SLCO4A1: variants seen among roughly 807,000 people sequenced by gnomAD.
SLCO4A1 encodes the protein solute carrier organic anion transporter family member 4A1, also known as colon organic anion transporter.
In SLCO4A1, 51 loss-of-function variants were observed where a neutral mutation model predicts 64.6. That is an observed-to-expected ratio of 0.79 (90% CI 0.63 to 1.00). The LOEUF is 1.00. Ranked by LOEUF, SLCO4A1 falls within the 50% of genes least tolerant of loss-of-function variation. The probability of loss-of-function intolerance (pLI) is 0.00; values close to 1 mark genes in which losing one functional copy is unlikely to be tolerated. For missense variants in SLCO4A1, 919 were observed against 980.5 expected, an observed-to-expected ratio of 0.94 and a Z score of 0.84; for synonymous variants, 471 against 444.9, an observed-to-expected ratio of 1.06 and a Z score of -0.74.
chr20:62,684,675 C>G (rs145039238), intron 2 of SLCO4A1, among the ~76,000 whole-genome samples: 1 of 152,120 alleles, frequency 6.6e-6, no homozygotes. Flanking sequence ...ATTCATCCCC[C>G]CACTCCCTCC....
chr20:62,669,143 C>T (rs966833002), intron 11 of SLCO4A1, 65 bp downstream of exon 11: 14 of 1,502,278 alleles, frequency 9.3e-6, no homozygotes, highest in African/African-American at 1.4e-5. Flanking sequence ...CCGAACATGC[C>T]GCGATCTTCC....
At chr20:62,673,756 C>A (rs1191498955), downstream of SLCO4A1, among the ~76,000 whole-genome samples, 4 of 103,038 alleles carry the variant, frequency 3.9e-5, 1 homozygote, top group African/African-American at 5.8e-5. Context: ...GCCACGTGAG[C>A]CAACCAAGAG....
chr20:62,667,031 C>T (rs555658798), intron 7 of SLCO4A1, among the ~76,000 whole-genome samples: 4 of 152,356 alleles, frequency 2.6e-5, no homozygotes, highest in African/African-American at 9.6e-5. Flanking sequence ...GCACCTCGGC[C>T]CTGCCCTGCG....
At chr20:62,670,972 T>G (rs529392331) in intron 11 of SLCO4A1, among the ~76,000 whole-genome samples, 2 of 152,252 alleles carry the variant, frequency 1.3e-5, no homozygotes, top group Admixed American at 1.3e-4. Context: ...GTGGTGCACA[T>G]GTACTCTGCG....
rs781134379 is a variant in SLCO4A1, at chr20:62,656,646, C to G, written c.192C>G (p.Ala64=). The G allele has an allele frequency of 4.4e-6, 7 of 1,602,810 alleles. No individual in the cohort carries two copies. The highest frequency in any genetic ancestry group is 6.0e-6 in the Non-Finnish European group (7 of 1,175,610). ...AGCAGCCCCTCTGCCAGCTCTGGGC[C>G]GAGAAGCATGGCGCCCGGGGGACCC... ...TSKQPLCQLW[A]EKHGARGTHE... is the part of the protein sequence containing the mutation. The change falls in exon 2 of 12, where the codon GCC becomes GCG. Residue 64 remains alanine, a synonymous_variant. Coordinates refer to ENST00000217159, the MANE Select transcript of SLCO4A1 (RefSeq NM_016354.4).
At position 62,685,066 on chromosome 20, in the gene SLCO4A1, G is replaced by A. The variant is rs904507536; in HGVS notation, n.212-375G>A. 1.3e-5 allele frequency among the ~76,000 whole-genome samples: 2 copies of A among 152,158 alleles called. No individual in the cohort carries two copies. Among genetic ancestry groups the A allele is most frequent in the Non-Finnish European group, 2.9e-5 (2 of 68,026 alleles). ...GCAGGGGCCAAGGGTCTGGGGTGAG[G>A]CCACAGTGCATGGAGTGCATGGAGG... On this transcript the variant is annotated intron_variant and non_coding_transcript_variant, in intron 2 of 2. Coordinates refer to the SLCO4A1 transcript ENST00000466818. The surrounding 1 kb of genome is among the most constrained non-coding windows in gnomAD (Gnocchi z 4.6).
In SLCO4A1 at chr20:62,665,212, C is replaced by A. The variant is rs1601659913; in HGVS notation, c.1276+124C>A. On this transcript the variant is annotated intron_variant, in intron 6 of 11. Transcript: ENST00000217159. Reference sequence around the variant, plus strand: ...GGCAGTGAGTGCCCTCCCACCCCCGCTGCCAGAGCAGGTGTGGAGAGCGCC... The same window carrying A: ...GGCAGTGAGTGCCCTCCCACCCCCGATGCCAGAGCAGGTGTGGAGAGCGCC... 9.7e-6 allele frequency: 11 copies of A among 1,133,418 alleles called. No homozygotes were observed. The East Asian group carries it at 2.2e-4, about 23-fold the overall frequency. The allele number at this position is 1,133,418 out of a possible 1,614,324, so 70.2% of individuals were successfully genotyped here. A position where few individuals can be genotyped will look rare whatever the true frequency, so the allele number is the denominator to read the frequency against.
At chr20:62,657,339 C>T in intron 2 of SLCO4A1, 89 bp downstream of exon 2, 4 of 1,244,882 alleles carry the variant, frequency 3.2e-6, no homozygotes, top group Non-Finnish European at 4.4e-6. Flanking sequence ...CCAGCCCCGC[C>T]CCCTGCCTTC....
Position 62,671,952 on chromosome 20 carries a change from G to T in SLCO4A1, c.*59G>T. On this transcript the variant is annotated 3_prime_UTR_variant, in exon 12 of 12. Coordinates refer to ENST00000217159, the MANE Select transcript of SLCO4A1 (RefSeq NM_016354.4). ...CTCAGCATTTCCTGATGACAGAACA[G>T]TGCCGTTGGGTGATGCAATCACACG... 1 of 1,601,138 alleles carries T rather than the reference G, an allele frequency of 6.2e-7. No individual in the cohort carries two copies. The highest frequency in any genetic ancestry group is 8.5e-7 in the Non-Finnish European group (1 of 1,179,852).
chr20:62,682,649 CCA>C (rs10552847), intron 2 of SLCO4A1, among the ~76,000 whole-genome samples: 43,822 of 150,650 alleles, frequency 0.29, 6,398 homozygotes, highest in Non-Finnish European at 0.31. Context: ...GACCATGTGA[CCA>C]CACACACACA....
intron 1 of SLCO4A1, among the ~76,000 whole-genome samples, chr20:62,655,519 G>T (rs1051745257): frequency 6.6e-6 from 1 of 152,230 alleles, no homozygotes; most frequent in African/African-American, 2.4e-5. Flanking sequence ...CCAGGAATTG[G>T]TGTGGGGAGT....
chr20:62,676,982 G>A (rs866309089), downstream of SLCO4A1, among the ~76,000 whole-genome samples: 12 of 152,362 alleles, frequency 7.9e-5, no homozygotes, highest in South Asian at 2.1e-4. Flanking sequence ...GAAGCCCTGC[G>A]CTATGGTGTG....
intron 1 of SLCO4A1, among the ~76,000 whole-genome samples, chr20:62,654,255 G>A (rs1221035803): frequency 6.6e-6 from 1 of 152,156 alleles, no homozygotes; most frequent in African/African-American, 2.4e-5. Context: ...ACCTGTCACC[G>A]GGTTTAGGGC....
chr20:62,643,870 C>T (rs933008907), intron 1 of SLCO4A1, among the ~76,000 whole-genome samples: 2 of 152,196 alleles, frequency 1.3e-5, no homozygotes, highest in Admixed American at 1.3e-4. Flanking sequence ...CCCTAGCAAC[C>T]CCACGAGGTG....
intron 1 of SLCO4A1, chr20:62,642,997 G>C: frequency 2.1e-6 from 1 of 470,270 alleles, no homozygotes; most frequent in Admixed American, 2.3e-5. Context: ...GAGCTCCAGA[G>C]TTGCGGAGTC....
downstream of SLCO4A1, among the ~76,000 whole-genome samples, chr20:62,686,441 CA>C (rs1220080257): frequency 3.3e-5 from 5 of 152,078 alleles, no homozygotes; most frequent in African/African-American, 1.2e-4. Context: ...TCCGCTCCAC[CA>C]AGGGCCGGGG....
downstream of SLCO4A1, among the ~76,000 whole-genome samples, chr20:62,690,108 G>T (rs928547735): frequency 6.6e-6 from 1 of 152,194 alleles, no homozygotes; most frequent in Non-Finnish European, 1.5e-5. Context: ...CAGCTGCATG[G>T]TGCCTCGGGT....
intron 1 of SLCO4A1, among the ~76,000 whole-genome samples, chr20:62,646,014 A>G (rs892756781): frequency 3.3e-5 from 5 of 152,112 alleles, no homozygotes; most frequent in African/African-American, 1.2e-4. Context: ...ATTTGGACCC[A>G]TGGGCCTAGG....
In SLCO4A1 at chr20:62,660,456, G is replaced by A. The variant is rs1416470530; in HGVS notation, c.932G>A (p.Trp311Ter). 6.9e-6 allele frequency: 11 copies of A among 1,601,956 alleles called. No homozygotes were observed. The highest frequency in any genetic ancestry group is 9.3e-6 in the Non-Finnish European group (11 of 1,179,916). ...TESPLWVGAW[W>*]VGFLGSGAAA... ...AGCCCACTGTGGGTCGGCGCCTGGT[G>A]GGTCGGCTTCCTGGGCTCTGGGGCC... is the stretch of plus-strand genomic sequence containing the variant. Residue 311 changes from tryptophan to a stop codon, truncating the protein, a stop_gained, in exon 4 of 12, where the codon TGG (tryptophan) becomes TAG (stop). Coordinates refer to ENST00000217159, the MANE Select transcript of SLCO4A1 (RefSeq NM_016354.4). LOFTEE classifies it high-confidence loss of function.
Sources: gnomAD v4.1 joint callset for allele counts (sites outside exome capture counted in the v4.1 genomes callset) on GRCh38, gnomAD v4.1.1 for gene constraint, Gnocchi (gnomAD v3.1) non-coding constraint, MANE v1.5 for transcripts, NCBI Gene and HGNC (gene_info 2026-07-23, HGNC 2026-07-21) for gene names.